The following REPS2 variants were observed in gnomAD, a reference collection of about 807,000 sequenced individuals.
REPS2 encodes the protein RALBP1 associated Eps domain containing 2.
Under a neutral mutation model 53.6 loss-of-function variants are expected in REPS2, and 23 were observed. The ratio of observed to expected loss-of-function variants is 0.43; its 90% CI spans 0.31 to 0.61. The LOEUF (loss-of-function observed/expected upper bound fraction) is 0.61. Ranked by LOEUF, REPS2 falls within the 20% of genes least tolerant of loss-of-function variation. The pLI is 0.11. For missense variants in REPS2, 446 were observed against 534.9 expected (o/e 0.83, Z 1.64); for synonymous variants, 238 against 218.6 (o/e 1.09, Z -0.78).
At chrX:17,053,942 C>G (rs1198714530) in intron 7 of REPS2, among the ~76,000 whole-genome samples, 1 of 112,041 alleles carries the variant, frequency 8.9e-6, no homozygotes, top group Non-Finnish European at 1.9e-5. Flanking sequence ...TATTTTCTTT[C>G]AAATAGTAAT....
intron 1 of REPS2, among the ~76,000 whole-genome samples, chrX:16,956,887 T>C (rs921513231): frequency 8.9e-6 from 1 of 112,189 alleles, no homozygotes; most frequent in African/African-American, 3.2e-5. Context: ...TTTAACAGAC[T>C]TGAGAAACTC....
intron 1 of REPS2, chrX:16,978,544 AG>A: frequency 1.3e-6 from 1 of 751,092 alleles, no homozygotes; most frequent in Non-Finnish European, 1.6e-6. Context: ...TGACTTCCAA[AG>A]GATGCTCTGA....
At chrX:17,011,983 C>T (rs1444766157) in intron 2 of REPS2, among the ~76,000 whole-genome samples, 2 of 107,401 alleles carry the variant, frequency 1.9e-5, no homozygotes, top group Non-Finnish European at 3.9e-5. Flanking sequence ...AAAAAACCAA[C>T]CCCCAAAACA....
intron 1 of REPS2, among the ~76,000 whole-genome samples, chrX:16,998,647 C>G (rs1340883065): frequency 9.0e-6 from 1 of 111,677 alleles, no homozygotes; most frequent in East Asian, 2.8e-4. Context: ...CTCATGGAAT[C>G]CTTTGGAGGG....
At chrX:16,963,451 G>T (rs985837287) in intron 1 of REPS2, among the ~76,000 whole-genome samples, 1 of 112,787 alleles carries the variant, frequency 8.9e-6, no homozygotes, top group African/African-American at 3.2e-5. Context: ...TGATGTTAGT[G>T]ACAGGTGGTT....
chrX:17,044,228 A>G (rs1160023077), intron 5 of REPS2, among the ~76,000 whole-genome samples: 1 of 111,434 alleles, frequency 9.0e-6, no homozygotes, highest in African/African-American at 3.3e-5. Context: ...AAGAGCACAC[A>G]TGGGCTGACA....
the REPS2 span, among the ~76,000 whole-genome samples, chrX:17,165,921 G>C: frequency 2.7e-5 from 3 of 111,645 alleles, no homozygotes; most frequent in Non-Finnish European, 3.8e-5. Flanking sequence ...GAACAAAAGA[G>C]ATGTTCTTGC....
chrX:17,121,825 A>C (rs867055224), intron 14 of REPS2, among the ~76,000 whole-genome samples: 1 of 111,134 alleles, frequency 9.0e-6, no homozygotes, highest in Middle Eastern at 4.6e-3. Flanking sequence ...AATTTAGCTC[A>C]CTGCAACCTC....
intron 6 of REPS2, among the ~76,000 whole-genome samples, chrX:17,049,285 T>C (rs1473087055): frequency 8.9e-6 from 1 of 112,162 alleles, no homozygotes; most frequent in Non-Finnish European, 1.9e-5. Context: ...AGGCAGGAAC[T>C]TCAGGAGGTA....
chrX:17,078,933 T>G (rs1384606639), intron 13 of REPS2, among the ~76,000 whole-genome samples: 1 of 112,366 alleles, frequency 8.9e-6, no homozygotes, highest in Non-Finnish European at 1.9e-5. Context: ...CAATACTCCA[T>G]GGAGTTGTAA....
intron 13 of REPS2, among the ~76,000 whole-genome samples, chrX:17,099,203 G>T (rs185253674): frequency 3.6e-5 from 4 of 111,055 alleles, no homozygotes; most frequent in African/African-American, 1.3e-4. Flanking sequence ...TTTTTCAAAG[G>T]TAAAATATTC....
intron 5 of REPS2, among the ~76,000 whole-genome samples, chrX:17,035,702 C>T (rs954793355): frequency 9.0e-6 from 1 of 111,042 alleles, no homozygotes; most frequent in Admixed American, 9.6e-5. Context: ...AAAACTGTCC[C>T]TACCATTTCC....
At chrX:17,043,224 C>A (rs974320757) in intron 5 of REPS2, among the ~76,000 whole-genome samples, 32 of 111,328 alleles carry the variant, frequency 2.9e-4, no homozygotes, top group African/African-American at 1.0e-3. Flanking sequence ...AGTAGAAGGG[C>A]CACTCTATGG....
At chrX:17,124,651 G>A (rs1031391779) in intron 14 of REPS2, among the ~76,000 whole-genome samples, 1 of 110,848 alleles carries the variant, frequency 9.0e-6, no homozygotes, top group Non-Finnish European at 1.9e-5. Context: ...ACAGAATGCT[G>A]GAAAGGCCCT....
the REPS2 span, among the ~76,000 whole-genome samples, chrX:17,160,952 G>A: frequency 8.9e-6 from 1 of 112,110 alleles, no homozygotes; most frequent in Admixed American, 9.5e-5. Flanking sequence ...ATCCACAGAT[G>A]GAGAGGAATT....
intron 14 of REPS2, among the ~76,000 whole-genome samples, chrX:17,127,245 C>T (rs781632447): frequency 8.9e-6 from 1 of 112,030 alleles, no homozygotes; most frequent in Non-Finnish European, 1.9e-5. Flanking sequence ...TTTCAGCATT[C>T]GAATTAGGTT....
At chrX:17,023,665 T>C (rs2061603140) in intron 3 of REPS2, among the ~76,000 whole-genome samples, 1 of 111,044 alleles carries the variant, frequency 9.0e-6, no homozygotes, top group Admixed American at 9.6e-5. Context: ...CAGGGATATA[T>C]TTAAAAAGGA....
chrX:17,088,007 G>T (rs1043573954), intron 13 of REPS2, among the ~76,000 whole-genome samples: 1 of 110,220 alleles, frequency 9.1e-6, no homozygotes, highest in Admixed American at 9.7e-5. Context: ...ATAGATAGAG[G>T]TAGAAGAGAG....
chrX:17,002,076 G>A (rs1213690953), intron 1 of REPS2, among the ~76,000 whole-genome samples: 2 of 111,475 alleles, frequency 1.8e-5, no homozygotes, highest in Non-Finnish European at 3.8e-5. Context: ...ATTTCCTTGG[G>A]TGTGGTGATG....
Sources: gnomAD v4.1 joint callset for allele counts (sites outside exome capture counted in the v4.1 genomes callset) on GRCh38, gnomAD v4.1.1 for gene constraint, MANE v1.5 for transcripts, NCBI Gene and HGNC (gene_info 2026-07-23, HGNC 2026-07-21) for gene names.